Variants in STK32C observed in about 807,000 individuals in gnomAD.
The protein encoded by STK32C is serine/threonine kinase 32C.
STK32C carries 31 observed loss-of-function variants against 56.5 expected under a neutral mutation model. The observed-to-expected ratio is 0.55, with a 90% CI of 0.41 to 0.74. The LOEUF is 0.74. STK32C is among the 30% of genes least tolerant of loss of function. The pLI, the probability that STK32C is intolerant of heterozygous loss-of-function variation, is 0.00. For synonymous variants in STK32C, 309 were observed against 289.4 expected (o/e 1.07, Z -0.69); for missense variants, 544 against 676.9 (o/e 0.80, Z 2.18).
chr10:132,256,456 C>T (rs1472482281), intron 1 of STK32C, among the ~76,000 whole-genome samples: 4 of 152,208 alleles, frequency 2.6e-5, no homozygotes, highest in African/African-American at 9.6e-5. Flanking sequence ...ATATCGACAT[C>T]CTCAGACAAC....
rs776673590 is a variant in STK32C at position 132,222,747 on chromosome 10, G to C, written c.1145C>G (p.Thr382Ser). ...PNKGRLHCDP[T>S]FELEEMILES... is the part of the protein sequence containing the mutation. ...CAGGATCATCTCCTCCAGCTCAAAGGTGGGGTCGCAGTGCAGACGGCCTTT... is the reference window on the plus strand; with the variant it reads ...CAGGATCATCTCCTCCAGCTCAAAGCTGGGGTCGCAGTGCAGACGGCCTTT... Residue 382 changes from threonine to serine, a missense_variant, in exon 10 of 12, where the codon ACC becomes AGC. By Grantham distance (58) the Thr-to-Ser change is moderately conservative. This residue lies in a region of STK32C where 277 missense variants were observed against 309.3 expected (regional missense o/e 0.90). Coordinates refer to ENST00000298630, the MANE Select transcript of STK32C (RefSeq NM_173575.4). The C allele has an allele frequency of 6.2e-7, 1 of 1,607,862 alleles. No homozygotes were observed. The highest frequency in any genetic ancestry group is 1.1e-5 in the South Asian group (1 of 90,104).
At chr10:132,239,859 A>G (rs2063439025) in intron 2 of STK32C, among the ~76,000 whole-genome samples, 1 of 152,218 alleles carries the variant, frequency 6.6e-6, no homozygotes. Context: ...TGGACATCTC[A>G]GGAGCAGGGT....
chr10:132,226,650 C>T, intron 4 of STK32C, 145 bp downstream of exon 4: 2 of 961,758 alleles, frequency 2.1e-6, no homozygotes, highest in South Asian at 3.1e-5. Flanking sequence ...GGTGCCACAG[C>T]TGGGGGCAGG....
chr10:132,308,886 C>T (rs2066166234), upstream of STK32C, among the ~76,000 whole-genome samples: 1 of 152,216 alleles, frequency 6.6e-6, no homozygotes, highest in South Asian at 2.1e-4. Context: ...GAAGGCGCGG[C>T]TCTGCATGGA....
upstream of STK32C, among the ~76,000 whole-genome samples, chr10:132,312,477 A>C (rs934216840): frequency 2.6e-5 from 4 of 152,234 alleles, no homozygotes; most frequent in South Asian, 6.2e-4. Context: ...TGTAACTGTG[A>C]AACTGGAAAA....
chr10:132,255,475 G>A lies in STK32C; in HGVS notation c.263-9520C>T, dbSNP rs891739135. Among the ~76,000 whole-genome samples the A allele has an allele frequency of 1.3e-5, 2 of 152,204 alleles. No homozygotes were observed. Among genetic ancestry groups the A allele is most frequent in the Non-Finnish European group, 2.9e-5 (2 of 68,034 alleles). On this transcript the variant is annotated intron_variant, in intron 1 of 11. Transcript: ENST00000298630. This position sits in a 1 kb window ranked among gnomAD's most constrained non-coding sequence, Gnocchi z 4.6. Reference sequence around the variant, plus strand: ...AAAGACCCACCACGCTGACGGGCAGGGTTGACGCAGATGGGGACAAGACAG... The same window carrying A: ...AAAGACCCACCACGCTGACGGGCAGAGTTGACGCAGATGGGGACAAGACAG...
At chr10:132,266,715 G>A (rs745622942) in intron 1 of STK32C, among the ~76,000 whole-genome samples, 9 of 151,922 alleles carry the variant, frequency 5.9e-5, no homozygotes, top group Non-Finnish European at 1.2e-4. Context: ...GGGTGGGGGA[G>A]GCGCTGGGCA....
intron 1 of STK32C, among the ~76,000 whole-genome samples, chr10:132,263,417 C>T (rs1047073965): frequency 2.0e-5 from 3 of 152,004 alleles, no homozygotes; most frequent in African/African-American, 7.2e-5. Flanking sequence ...AAGACAGGAA[C>T]AATGGACACC....
chr10:132,268,627 T>TTG (rs766969809), intron 1 of STK32C, among the ~76,000 whole-genome samples: 22 of 117,434 alleles, frequency 1.9e-4, no homozygotes, highest in East Asian at 9.1e-4. Flanking sequence ...ATGTCCCACA[T>TTG]TGTGTGTGTG....
Position 132,307,848 on chromosome 10 carries a change from GCGCGCGGCAGC to G in STK32C, c.-26_-16del. 1 of 1,142,770 alleles carries G rather than the reference GCGCGCGGCAGC, an allele frequency of 8.8e-7. No homozygotes were observed. The highest frequency in any genetic ancestry group is 1.1e-6 in the Non-Finnish European group (1 of 924,266). 70.8% of individuals were successfully genotyped at this position (1,142,770 alleles called of 1,614,324 possible). On this transcript the variant is annotated 5_prime_UTR_variant, in exon 1 of 12. Transcript: ENST00000298630. The surrounding 1 kb of genome is among the most constrained non-coding windows in gnomAD (Gnocchi z 4.4). ...CCACTCCTCATCGCCGGGTCTGGGT[GCGCGCGGCAGC>G]CGGAACTCGGGGCATGGCCGGCCGG...
intron 1 of STK32C, among the ~76,000 whole-genome samples, chr10:132,252,795 T>A (rs1381212291): frequency 6.6e-6 from 1 of 152,212 alleles, no homozygotes; most frequent in Non-Finnish European, 1.5e-5. Flanking sequence ...AAGGCTTTTA[T>A]TTTTTTGGTG....
chr10:132,251,170 G>A (rs1298657223), intron 1 of STK32C, among the ~76,000 whole-genome samples: 1 of 152,190 alleles, frequency 6.6e-6, no homozygotes, highest in Admixed American at 6.5e-5. Flanking sequence ...CCAACAGCAG[G>A]GGTGACCCCA....
chr10:132,331,871 G>C, upstream of STK32C: 1 of 1,280,372 alleles, frequency 7.8e-7, no homozygotes, highest in Non-Finnish European at 1.1e-6. Context: ...CCGCGTGCGT[G>C]CGCAGGCGCA....
chr10:132,297,016 G>A (rs2065770229), intron 1 of STK32C, among the ~76,000 whole-genome samples: 1 of 152,202 alleles, frequency 6.6e-6, no homozygotes, highest in Admixed American at 6.5e-5. Context: ...CCTGGGCACA[G>A]CTCTGCCCAG....
chr10:132,246,506 G>A (rs1366814097), intron 1 of STK32C, among the ~76,000 whole-genome samples: 2 of 152,212 alleles, frequency 1.3e-5, no homozygotes. Flanking sequence ...GGCGGCTCAG[G>A]GCTGTGGCTA....
At position 132,213,404 on chromosome 10, in the gene STK32C, C is replaced by T. The variant is rs565721176; in HGVS notation, c.1252-4303G>A. On this transcript the variant is annotated intron_variant, in intron 10 of 11. Coordinates refer to ENST00000298630, the MANE Select transcript of STK32C (RefSeq NM_173575.4). ...GATTCCAGCAGAGAGGGCCACAAGA[C>T]GCAGACTCTCTCTGAGGAGGAGGAT... is the stretch of plus-strand genomic sequence containing the variant. 1.6e-4 allele frequency among the ~76,000 whole-genome samples: 25 copies of T among 152,322 alleles called. 1 individual carries two copies. In the East Asian group the frequency reaches 1.9e-3, roughly 12 times the overall value.
At chr10:132,258,168 A>AG (rs2064188687) in intron 1 of STK32C, among the ~76,000 whole-genome samples, 1 of 152,176 alleles carries the variant, frequency 6.6e-6, no homozygotes, top group East Asian at 1.9e-4. Flanking sequence ...TGACCTAGAG[A>AG]GGGGGGCAGC....
Position 132,224,472 on chromosome 10 carries a change from A to G in STK32C, c.928T>C (p.Phe310Leu). 6.3e-7 allele frequency: 1 copy of G among 1,580,698 alleles called. No individual in the cohort carries two copies. Among genetic ancestry groups the G allele is most frequent in the Non-Finnish European group, 8.6e-7 (1 of 1,163,482 alleles). The change falls in exon 8 of 12, where the codon TTC becomes CTC. Residue 310 changes from phenylalanine to leucine, a missense_variant. Phe to Leu is a conservative substitution (Grantham distance 22). This residue lies in a region of STK32C where 277 missense variants were observed against 309.3 expected (regional missense o/e 0.90). Transcript: ENST00000298630. ...ACATACTGGACGCTCACGGTGCTGA[A>G]CAGCTGCACCAGGGACTCCACGGCG... ...SNAVESLVQL[F>L]STVSVQYVPT...
At chr10:132,303,147 C>T (rs979714820) in intron 1 of STK32C, among the ~76,000 whole-genome samples, 7 of 152,276 alleles carry the variant, frequency 4.6e-5, no homozygotes, top group Admixed American at 2.0e-4. Context: ...TGGGGCTCTG[C>T]GGTGAGGGGC....
Sources: gnomAD v4.1 joint callset for allele counts (sites outside exome capture counted in the v4.1 genomes callset) on GRCh38, gnomAD v4.1.1 for gene constraint, gnomAD v4.1.1 regional missense constraint, Gnocchi (gnomAD v3.1) non-coding constraint, MANE v1.5 for transcripts, NCBI Gene and HGNC (gene_info 2026-07-23, HGNC 2026-07-21) for gene names.